The following ALK variants were observed in gnomAD, a reference collection of about 807,000 sequenced individuals.
The protein encoded by ALK is ALK tyrosine kinase receptor.
In ALK, 74 loss-of-function variants were observed where a neutral mutation model predicts 163.1. The ratio of observed to expected loss-of-function variants is 0.45; its 90% confidence interval spans 0.38 to 0.55. The LOEUF (loss-of-function observed/expected upper bound fraction) is 0.55. Among genes scored for constraint, ALK ranks in the 20% least tolerant of loss-of-function variants. ALK has a pLI of 0.00. For missense variants in ALK, 2,063 were observed against 2,105.3 expected (o/e 0.98, Z 0.39); for synonymous variants, 960 against 843.2 (o/e 1.14, Z -2.40).
chr2:29,865,570 G>T (rs13011719), intron 1 of ALK, among the ~76,000 whole-genome samples: 66,319 of 152,010 alleles, frequency 0.44, 15,307 homozygotes, highest in Non-Finnish European at 0.5. Context: ...ACACAACTCA[G>T]TCCTGCCCCC....
intron 3 of ALK, among the ~76,000 whole-genome samples, chr2:29,687,588 G>A (rs1427018911): frequency 6.6e-6 from 1 of 151,760 alleles, no homozygotes; most frequent in Non-Finnish European, 1.5e-5. Flanking sequence ...ATATGACAAT[G>A]AACTCAAATT....
intron 1 of ALK, among the ~76,000 whole-genome samples, chr2:29,851,352 C>T (rs980648687): frequency 6.6e-6 from 1 of 152,194 alleles, no homozygotes; most frequent in Non-Finnish European, 1.5e-5. Flanking sequence ...TCTTCCTTGG[C>T]TCCTACCACA....
intron 1 of ALK, among the ~76,000 whole-genome samples, chr2:29,780,156 T>C (rs529155408): frequency 5.9e-5 from 9 of 152,330 alleles, no homozygotes; most frequent in African/African-American, 2.2e-4. Context: ...ACTGCATTCA[T>C]CTTGAAAACA....
chr2:29,718,058 C>A (rs1387804784), intron 1 of ALK, among the ~76,000 whole-genome samples: 1 of 152,214 alleles, frequency 6.6e-6, no homozygotes, highest in Non-Finnish European at 1.5e-5. Flanking sequence ...TTCATCTCGT[C>A]CAGATAATGC....
chr2:29,831,456 C>G (rs1352935226), intron 1 of ALK, among the ~76,000 whole-genome samples: 1 of 151,982 alleles, frequency 6.6e-6, no homozygotes. Context: ...CCCTGAGGCA[C>G]AATGACTCCT....
intron 26 of ALK, among the ~76,000 whole-genome samples, chr2:29,205,142 G>A (rs187029146): frequency 5.1e-4 from 77 of 152,208 alleles, no homozygotes; most frequent in African/African-American, 1.8e-3. Context: ...TCCATTTATG[G>A]TTGCAATAGT....
chr2:29,703,132 G>A (rs796153220), intron 2 of ALK, among the ~76,000 whole-genome samples: 2 of 152,266 alleles, frequency 1.3e-5, no homozygotes, highest in African/African-American at 4.8e-5. Context: ...CAGAATTATC[G>A]GGCTTGCCAC....
chr2:29,296,678 C>A (rs778783812), intron 9 of ALK, among the ~76,000 whole-genome samples: 1 of 152,190 alleles, frequency 6.6e-6, no homozygotes, highest in African/African-American at 2.4e-5. Context: ...GCCTCTTCAT[C>A]CCTTGGAGAA....
At chr2:29,363,195 C>G (rs1238869852) in intron 5 of ALK, among the ~76,000 whole-genome samples, 1 of 152,164 alleles carries the variant, frequency 6.6e-6, no homozygotes, top group Non-Finnish European at 1.5e-5. Flanking sequence ...TTTCAGGGAT[C>G]TCTTCTCTTC....
intron 1 of ALK, among the ~76,000 whole-genome samples, chr2:29,800,202 G>A (rs778540822): frequency 6.6e-6 from 1 of 152,210 alleles, no homozygotes; most frequent in Non-Finnish European, 1.5e-5. Context: ...AGTGACAGGT[G>A]GGGCACAGCC....
At chr2:29,329,045 C>T (rs114674236) in intron 5 of ALK, among the ~76,000 whole-genome samples, 2,025 of 152,242 alleles carry the variant, frequency 0.013, 53 homozygotes, top group African/African-American at 0.046. Flanking sequence ...GATCCTCCTG[C>T]CTGGCTGTAT....
intron 3 of ALK, among the ~76,000 whole-genome samples, chr2:29,596,552 C>T (rs1312518862): frequency 6.6e-6 from 1 of 152,050 alleles, no homozygotes; most frequent in Non-Finnish European, 1.5e-5. Flanking sequence ...AGAATGGCTG[C>T]AAGGGGCAGG....
At chr2:29,426,239 C>G (rs766840853) in intron 4 of ALK, among the ~76,000 whole-genome samples, 1 of 152,024 alleles carries the variant, frequency 6.6e-6, no homozygotes, top group Non-Finnish European at 1.5e-5. Flanking sequence ...GAAAGGCTTC[C>G]CACTGCAGGG....
chr2:29,889,470 T>C (rs1045155615), intron 1 of ALK, among the ~76,000 whole-genome samples: 1 of 152,008 alleles, frequency 6.6e-6, no homozygotes, highest in Non-Finnish European at 1.5e-5. Flanking sequence ...ACAGGATCTA[T>C]TTTCTTTAAA....
At chr2:29,793,511 T>A (rs1664236762) in intron 1 of ALK, among the ~76,000 whole-genome samples, 1 of 152,166 alleles carries the variant, frequency 6.6e-6, no homozygotes, top group Admixed American at 6.5e-5. Context: ...CCCAGATCCA[T>A]CAGACGAATC....
intron 1 of ALK, among the ~76,000 whole-genome samples, chr2:29,797,428 C>T (rs1664348162): frequency 6.6e-6 from 1 of 152,210 alleles, no homozygotes. Flanking sequence ...TATTTGATTT[C>T]TTGCCTGTGA....
intron 1 of ALK, among the ~76,000 whole-genome samples, chr2:29,722,947 T>A (rs1178654097): frequency 1.3e-5 from 2 of 152,144 alleles, no homozygotes; most frequent in African/African-American, 4.8e-5. Context: ...ACACCCCACA[T>A]CAATTCATCA....
At chr2:29,634,520 A>G (rs946915855) in intron 3 of ALK, among the ~76,000 whole-genome samples, 1 of 152,202 alleles carries the variant, frequency 6.6e-6, no homozygotes, top group African/African-American at 2.4e-5. Context: ...GCTAAAGAAG[A>G]TAAATCACAT....
chr2:29,552,430 T>C (rs1390181065), intron 3 of ALK, among the ~76,000 whole-genome samples: 25 of 152,176 alleles, frequency 1.6e-4, no homozygotes, highest in Non-Finnish European at 7.3e-5. Context: ...ACCAGACTGT[T>C]TTCCATGGCA....
Sources: allele counts gnomAD v4.1 joint callset (sites outside exome capture counted in the v4.1 genomes callset), GRCh38; gene constraint gnomAD v4.1.1; transcripts MANE v1.5; gene names NCBI Gene and HGNC (gene_info 2026-07-23, HGNC 2026-07-21).